The following PCED1B variants were observed in gnomAD, a reference collection of about 807,000 sequenced individuals.
PCED1B encodes PC-esterase domain containing 1B.
For missense variants in PCED1B, 573 were observed against 573.9 expected, an observed-to-expected ratio of 1.00 and a Z score of 0.02; for synonymous variants, 251 against 246.1, an observed-to-expected ratio of 1.02 and a Z score of -0.19.
chr12:47,182,305 A>C (rs1271241440), intron 2 of PCED1B, among the ~76,000 whole-genome samples: 1 of 152,166 alleles, frequency 6.6e-6, no homozygotes, highest in African/African-American at 2.4e-5. Flanking sequence ...AGTGATAAGA[A>C]TACTACTGCC....
intron 2 of PCED1B, among the ~76,000 whole-genome samples, chr12:47,199,583 C>T (rs941039971): frequency 5.3e-5 from 8 of 152,102 alleles, no homozygotes; most frequent in African/African-American, 1.9e-4. Context: ...GTCAATTGAT[C>T]TTTGACAAAG....
chr12:47,091,382 C>G (rs1220721162), intron 1 of PCED1B, among the ~76,000 whole-genome samples: 1 of 151,902 alleles, frequency 6.6e-6, no homozygotes, highest in East Asian at 1.9e-4. Flanking sequence ...TCAACTTTTT[C>G]TTATTGACTT....
chr12:47,202,098 A>G (rs949755076), intron 2 of PCED1B, among the ~76,000 whole-genome samples: 3 of 152,256 alleles, frequency 2.0e-5, no homozygotes, highest in East Asian at 1.9e-4. Context: ...CAAATAAAAT[A>G]TAAATATCAC....
chr12:47,092,291 A>G (rs1938301087), intron 1 of PCED1B, among the ~76,000 whole-genome samples: 1 of 151,772 alleles, frequency 6.6e-6, no homozygotes, highest in Non-Finnish European at 1.5e-5. Flanking sequence ...GAGTTTTTTG[A>G]TGCTATTGTA....
At chr12:47,088,393 C>T (rs1938090672) in intron 1 of PCED1B, among the ~76,000 whole-genome samples, 1 of 152,268 alleles carries the variant, frequency 6.6e-6, no homozygotes, top group Middle Eastern at 3.4e-3. Context: ...CCATGGTGCT[C>T]TCTCTCAGCT....
intron 2 of PCED1B, among the ~76,000 whole-genome samples, chr12:47,132,159 A>G (rs539375967): frequency 6.6e-6 from 1 of 152,200 alleles, no homozygotes; most frequent in African/African-American, 2.4e-5. Flanking sequence ...GTTAATACAT[A>G]GTAAATTACC....
At chr12:47,147,449 A>G (rs1940834043) in intron 2 of PCED1B, among the ~76,000 whole-genome samples, 1 of 152,066 alleles carries the variant, frequency 6.6e-6, no homozygotes, top group Non-Finnish European at 1.5e-5. Context: ...TCCATCTGAG[A>G]TCTCCTCAGA....
chr12:47,224,950 GAC>G (rs1435058066), intron 3 of PCED1B, among the ~76,000 whole-genome samples: 8 of 151,736 alleles, frequency 5.3e-5, no homozygotes, highest in African/African-American at 1.9e-4. Flanking sequence ...TTCTTTTTTT[GAC>G]ACAGAGTCTC....
intron 3 of PCED1B, among the ~76,000 whole-genome samples, chr12:47,232,971 T>C (rs923564212): frequency 2.6e-5 from 4 of 151,930 alleles, no homozygotes; most frequent in East Asian, 1.9e-4. Context: ...GGGTCTCACT[T>C]TGTGGCCCAG....
At chr12:47,112,927 G>A (rs944994984) in intron 2 of PCED1B, among the ~76,000 whole-genome samples, 6 of 152,170 alleles carry the variant, frequency 3.9e-5, no homozygotes, top group Non-Finnish European at 8.8e-5. Flanking sequence ...ACATACGACT[G>A]CCCTGCTGTG....
intron 2 of PCED1B, among the ~76,000 whole-genome samples, chr12:47,146,860 A>C (rs1318536139): frequency 6.6e-6 from 1 of 152,244 alleles, no homozygotes; most frequent in Non-Finnish European, 1.5e-5. Context: ...ATTGTTGATT[A>C]AAACATGACT....
intron 2 of PCED1B, among the ~76,000 whole-genome samples, chr12:47,179,044 T>C (rs1013719626): frequency 6.6e-6 from 1 of 152,216 alleles, no homozygotes; most frequent in African/African-American, 2.4e-5. Flanking sequence ...CATAAATTTG[T>C]GTCTAGATTA....
chr12:47,224,177 T>G (rs1405263475), intron 3 of PCED1B: 1 of 152,246 alleles, frequency 6.6e-6, no homozygotes, highest in East Asian at 1.9e-4. Context: ...TATGAAATGC[T>G]TTGATTATTT....
At chr12:47,152,341 A>G (rs1941024098) in intron 2 of PCED1B, among the ~76,000 whole-genome samples, 1 of 152,190 alleles carries the variant, frequency 6.6e-6, no homozygotes, top group Non-Finnish European at 1.5e-5. Context: ...ACCTCCTGAG[A>G]TATACACTGA....
At chr12:47,139,419 A>G (rs1173578902) in intron 2 of PCED1B, among the ~76,000 whole-genome samples, 1 of 152,170 alleles carries the variant, frequency 6.6e-6, no homozygotes, top group Non-Finnish European at 1.5e-5. Context: ...AAGGGAGTAC[A>G]CCATGTGCAC....
At position 47,235,189 on chromosome 12, in the gene PCED1B, G is replaced by T; in HGVS notation, c.126G>T (p.Leu42=). ...DLVLLLQKDR[L]LTPGQLRARG... ...TGCTTCTGCTGCAGAAGGACCGCCT[G>T]CTCACTCCCGGGCAGCTTAGAGCAA... Residue 42 remains leucine, a synonymous_variant, in exon 4 of 4, where the codon CTG becomes CTT. Transcript: ENST00000546455. The T allele has an allele frequency of 6.3e-7, 1 of 1,597,938 alleles. No homozygotes were observed. The highest frequency in any genetic ancestry group is 8.5e-7 in the Non-Finnish European group (1 of 1,171,434).
At chr12:47,160,293 C>CTTTTTTTTTTTTTTTTTTTTTT (rs59856338) in intron 2 of PCED1B, among the ~76,000 whole-genome samples, 75 of 69,240 alleles carry the variant, frequency 1.1e-3, no homozygotes, top group Admixed American at 1.3e-3. Flanking sequence ...TTTTCTTTTT[C>CTTTTTTTTTTTTTTTTTTTTTT]TTTTTTTTTT....
At chr12:47,137,271 T>A (rs948655119) in intron 2 of PCED1B, among the ~76,000 whole-genome samples, 10 of 152,216 alleles carry the variant, frequency 6.6e-5, no homozygotes, top group Non-Finnish European at 5.9e-5. Context: ...ATATTTTGAT[T>A]AAACATGCTA....
intron 1 of PCED1B, among the ~76,000 whole-genome samples, chr12:47,093,691 G>T (rs2137184221): frequency 6.6e-6 from 1 of 151,492 alleles, no homozygotes; most frequent in African/African-American, 2.4e-5. Context: ...TTTATCCCAT[G>T]GATTATTTAG....
Sources: allele counts gnomAD v4.1 joint callset (sites outside exome capture counted in the v4.1 genomes callset), GRCh38; gene constraint gnomAD v4.1.1; transcripts MANE v1.5; gene names NCBI Gene and HGNC (gene_info 2026-07-23, HGNC 2026-07-21).